CNTNAP2: variants seen among roughly 807,000 people sequenced by gnomAD.
CNTNAP2 encodes contactin associated protein 2.
Under a neutral mutation model 155.2 loss-of-function variants are expected in CNTNAP2, and 98 were observed. The ratio of observed to expected loss-of-function variants is 0.63; its 90% confidence interval spans 0.54 to 0.75. The LOEUF (loss-of-function observed/expected upper bound fraction) is 0.75. CNTNAP2 is among the 30% of genes least tolerant of loss of function. The probability of loss-of-function intolerance (pLI) is 0.00; values close to 1 mark genes in which losing one functional copy is unlikely to be tolerated. For missense variants in CNTNAP2, 1,727 were observed against 1,688.1 expected (o/e 1.02, Z -0.40); for synonymous variants, 651 against 631.2 (o/e 1.03, Z -0.47).
chr7:148,207,922 A>G (rs1795478456), intron 18 of CNTNAP2, among the ~76,000 whole-genome samples: 4 of 152,014 alleles, frequency 2.6e-5, no homozygotes, highest in Non-Finnish European at 5.9e-5. Flanking sequence ...CGTCTCTACT[A>G]AAAATACAAA....
At chr7:146,468,747 T>C (rs1173545270) in intron 1 of CNTNAP2, among the ~76,000 whole-genome samples, 1 of 152,208 alleles carries the variant, frequency 6.6e-6, no homozygotes, top group African/African-American at 2.4e-5. Flanking sequence ...CTGATTCACC[T>C]GTTGCTTCTA....
At chr7:148,312,642 G>A (rs182196452) in intron 21 of CNTNAP2, among the ~76,000 whole-genome samples, 57 of 152,146 alleles carry the variant, frequency 3.7e-4, no homozygotes, top group African/African-American at 1.2e-3. Flanking sequence ...TTGATAAGGC[G>A]CAGATCCTGA....
intron 21 of CNTNAP2, among the ~76,000 whole-genome samples, chr7:148,285,670 A>T (rs1797068142): frequency 1.3e-5 from 2 of 152,262 alleles, no homozygotes; most frequent in South Asian, 4.1e-4. Flanking sequence ...TTTTAAAGTG[A>T]CATGTGCCAA....
chr7:146,989,764 A>C (rs1198202539), intron 3 of CNTNAP2, among the ~76,000 whole-genome samples: 4 of 152,148 alleles, frequency 2.6e-5, no homozygotes, highest in South Asian at 2.1e-4. Flanking sequence ...TGAGCCCATA[A>C]TTAGCCCGTT....
chr7:146,297,560 A>C (rs1156533073), intron 1 of CNTNAP2, among the ~76,000 whole-genome samples: 1 of 152,166 alleles, frequency 6.6e-6, no homozygotes, highest in African/African-American at 2.4e-5. Context: ...AACTAGAAAA[A>C]GTGCAGGAAA....
chr7:146,756,373 T>C (rs910971616), intron 1 of CNTNAP2, among the ~76,000 whole-genome samples: 7 of 152,048 alleles, frequency 4.6e-5, no homozygotes, highest in Admixed American at 4.6e-4. Context: ...CATAGTGGTA[T>C]GCTTGATAAC....
intron 3 of CNTNAP2, among the ~76,000 whole-genome samples, chr7:147,035,379 A>G (rs1338047920): frequency 6.6e-6 from 1 of 152,226 alleles, no homozygotes; most frequent in East Asian, 1.9e-4. Flanking sequence ...AAAATGGAAA[A>G]TCTATTTCTA....
At chr7:147,961,026 G>A in intron 14 of CNTNAP2, among the ~76,000 whole-genome samples, 1 of 152,102 alleles carries the variant, frequency 6.6e-6, no homozygotes, top group East Asian at 1.9e-4. Flanking sequence ...GAGAAGTCCA[G>A]TGTATTCCCT....
At chr7:146,312,720 T>C (rs1183367477) in intron 1 of CNTNAP2, among the ~76,000 whole-genome samples, 1 of 152,180 alleles carries the variant, frequency 6.6e-6, no homozygotes, top group Non-Finnish European at 1.5e-5. Flanking sequence ...TTCTCTTCCC[T>C]CCACTCCTAG....
Position 148,417,740 on chromosome 7 carries a change from C to G in CNTNAP2, c.*2124C>G, listed in dbSNP as rs1409811614. ...TTACTTCTGCACTTACCAAATAATG[C>G]CAGATGGAAATTTATTATTTCTTGC... On this transcript the variant is annotated 3_prime_UTR_variant, in exon 24 of 24. Transcript: ENST00000361727. 3.9e-5 allele frequency: 6 copies of G among 152,180 alleles called. No homozygotes were observed. Among genetic ancestry groups the G allele is most frequent in the Admixed American group, 3.9e-4 (6 of 15,284 alleles). 9.4% of individuals were successfully genotyped at this position (152,180 alleles called of 1,614,324 possible).
intron 4 of CNTNAP2, among the ~76,000 whole-genome samples, chr7:147,101,946 C>T (rs532329758): frequency 3.3e-4 from 50 of 152,182 alleles, no homozygotes; most frequent in African/African-American, 1.2e-3. Context: ...CCACGGTTTG[C>T]GGGCTTGAGG....
In CNTNAP2 at chr7:148,006,221, G is replaced by C. The variant is rs181209660; in HGVS notation, c.2383+28232G>C. Among the ~76,000 whole-genome samples the C allele has an allele frequency of 3.1e-3, 465 of 152,166 alleles. 2 individuals are homozygous for C. The highest frequency in any genetic ancestry group is 0.011 in the African/African-American group (454 of 41,534). On this transcript the variant is annotated intron_variant, in intron 15 of 23. Coordinates refer to ENST00000361727, the MANE Select transcript of CNTNAP2 (RefSeq NM_014141.6). ...CCAACTTCTGAAAGCAGGGATATTGGTGTAGCGAAATAGAGAATATGAAAG... is the reference window on the plus strand; with the variant it reads ...CCAACTTCTGAAAGCAGGGATATTGCTGTAGCGAAATAGAGAATATGAAAG...
intron 15 of CNTNAP2, among the ~76,000 whole-genome samples, chr7:148,051,568 T>G (rs1356612556): frequency 6.6e-6 from 1 of 152,166 alleles, no homozygotes; most frequent in East Asian, 1.9e-4. Flanking sequence ...GTCAGAATAC[T>G]GTTTACATAA....
At chr7:146,832,987 T>C (rs1803543321) in intron 2 of CNTNAP2, among the ~76,000 whole-genome samples, 1 of 152,224 alleles carries the variant, frequency 6.6e-6, no homozygotes, top group African/African-American at 2.4e-5. Flanking sequence ...TGAGCTACCA[T>C]GCCCAGCTTA....
intron 1 of CNTNAP2, among the ~76,000 whole-genome samples, chr7:146,578,852 A>AT (rs913641808): frequency 2.1e-4 from 32 of 151,944 alleles, no homozygotes; most frequent in Non-Finnish European, 4.6e-4. Context: ...ATTAAGTCAG[A>AT]TTTTTTTTAA....
At chr7:146,653,872 G>T (rs1450011549) in intron 1 of CNTNAP2, among the ~76,000 whole-genome samples, 1 of 152,076 alleles carries the variant, frequency 6.6e-6, no homozygotes, top group Non-Finnish European at 1.5e-5. Context: ...TAAGGTATTT[G>T]CTAGGATCAC....
chr7:147,657,467 G>A (rs923745862), intron 13 of CNTNAP2, among the ~76,000 whole-genome samples: 3 of 151,284 alleles, frequency 2.0e-5, no homozygotes, highest in Admixed American at 2.0e-4. Flanking sequence ...ATGATCTGAG[G>A]TGAGAATGTT....
chr7:147,688,418 C>G (rs1281667953), intron 13 of CNTNAP2, among the ~76,000 whole-genome samples: 1 of 152,078 alleles, frequency 6.6e-6, no homozygotes, highest in African/African-American at 2.4e-5. Flanking sequence ...TTCACATTTC[C>G]ACCCCTACTT....
intron 1 of CNTNAP2, among the ~76,000 whole-genome samples, chr7:146,544,334 T>C (rs951531389): frequency 8.6e-5 from 13 of 151,920 alleles, no homozygotes; most frequent in African/African-American, 3.1e-4. Context: ...GCATTTTACA[T>C]TTTCACCCTA....
Sources: allele counts gnomAD v4.1 joint callset (sites outside exome capture counted in the v4.1 genomes callset), GRCh38; gene constraint gnomAD v4.1.1; transcripts MANE v1.5; gene names NCBI Gene and HGNC (gene_info 2026-07-23, HGNC 2026-07-21).